The following PTPRM variants were observed in gnomAD, a reference collection of about 807,000 sequenced individuals.
The protein encoded by PTPRM is receptor-type tyrosine-protein phosphatase mu.
A neutral mutation model predicts 186.7 loss-of-function variants in PTPRM; 47 were observed. That is an observed-to-expected ratio of 0.25 (90% CI 0.20 to 0.32). The LOEUF (loss-of-function observed/expected upper bound fraction) is 0.32, where lower values mean the gene tolerates loss of function less well. Among genes scored for constraint, PTPRM ranks in the 10% least tolerant of loss-of-function variants. PTPRM has a pLI of 1.00. For synonymous variants in PTPRM, 668 were observed against 674.9 expected (o/e 0.99, Z 0.16); for missense variants, 1,494 against 1,865.0 (o/e 0.80, Z 3.66).
intron 11 of PTPRM, among the ~76,000 whole-genome samples, chr18:8,101,919 A>C (rs897183026): frequency 1.3e-5 from 2 of 152,142 alleles, no homozygotes; most frequent in Non-Finnish European, 2.9e-5. Context: ...TCCTTTATTT[A>C]TTGTCTTTTC....
chr18:8,141,494 G>A (rs1233724733), intron 13 of PTPRM, among the ~76,000 whole-genome samples: 1 of 152,162 alleles, frequency 6.6e-6, no homozygotes, highest in African/African-American at 2.4e-5. Context: ...GGGATGAAAG[G>A]CTGCAGGTAA....
chr18:8,165,684 C>G (rs2093312365), intron 14 of PTPRM, among the ~76,000 whole-genome samples: 1 of 152,176 alleles, frequency 6.6e-6, no homozygotes, highest in Admixed American at 6.5e-5. Context: ...TGGGTAGTGT[C>G]AGGCCAGTCG....
At chr18:8,118,220 A>C (rs1282489077) in intron 13 of PTPRM, among the ~76,000 whole-genome samples, 1 of 152,202 alleles carries the variant, frequency 6.6e-6, no homozygotes, top group East Asian at 1.9e-4. Context: ...ATTTTTTCAT[A>C]ATATGTTAGC....
At chr18:7,742,660 AG>A (rs1367980287) in intron 1 of PTPRM, among the ~76,000 whole-genome samples, 4 of 152,152 alleles carry the variant, frequency 2.6e-5, no homozygotes, top group Non-Finnish European at 5.9e-5. Context: ...ACAACATGGA[AG>A]AGACCCCAGT....
At chr18:7,882,752 A>G (rs756704837) in intron 2 of PTPRM, among the ~76,000 whole-genome samples, 9 of 152,212 alleles carry the variant, frequency 5.9e-5, no homozygotes, top group Non-Finnish European at 1.3e-4. Context: ...AAGTTTCTCA[A>G]ATACACTTGG....
At chr18:7,996,149 CT>C (rs2083520911) in intron 7 of PTPRM, among the ~76,000 whole-genome samples, 1 of 151,730 alleles carries the variant, frequency 6.6e-6, no homozygotes, top group African/African-American at 2.4e-5. Flanking sequence ...TATCCATTTA[CT>C]CTTTTTTTCC....
chr18:8,246,563 CA>C (rs2094478311), intron 15 of PTPRM, among the ~76,000 whole-genome samples: 1 of 152,038 alleles, frequency 6.6e-6, no homozygotes, highest in South Asian at 2.1e-4. Flanking sequence ...ACATCTTTAC[CA>C]ACCACATAAA....
At chr18:7,909,274 G>C (rs1358630138) in intron 4 of PTPRM, among the ~76,000 whole-genome samples, 1 of 152,202 alleles carries the variant, frequency 6.6e-6, no homozygotes, top group East Asian at 1.9e-4. Flanking sequence ...AGAGCTTTCT[G>C]TAGCCATAGA....
intron 1 of PTPRM, among the ~76,000 whole-genome samples, chr18:7,772,443 C>CT (rs1667389548): frequency 2.5e-5 from 2 of 78,518 alleles, no homozygotes; most frequent in African/African-American, 1.1e-4. Flanking sequence ...CCTTCCCCTT[C>CT]CCCTTCCTTC....
At chr18:8,072,981 T>C (rs2089581136) in intron 8 of PTPRM, among the ~76,000 whole-genome samples, 1 of 148,742 alleles carries the variant, frequency 6.7e-6, no homozygotes, top group Admixed American at 6.8e-5. Flanking sequence ...GGGTTTCCTG[T>C]CAACTATTCT....
chr18:7,842,930 GTATATA>G (rs1555616949), intron 2 of PTPRM, among the ~76,000 whole-genome samples: 1 of 100,942 alleles, frequency 9.9e-6, no homozygotes, highest in Non-Finnish European at 1.8e-5. Flanking sequence ...GTGTGTGTGT[GTATATA>G]TATATATATA....
At chr18:8,275,033 T>TA (rs1415246434) in intron 19 of PTPRM, among the ~76,000 whole-genome samples, 1 of 152,152 alleles carries the variant, frequency 6.6e-6, no homozygotes, top group Non-Finnish European at 1.5e-5. Context: ...AGAAAATGCA[T>TA]AAAAAATTAG....
intron 2 of PTPRM, among the ~76,000 whole-genome samples, chr18:7,876,609 A>G (rs2048256641): frequency 6.6e-6 from 1 of 152,166 alleles, no homozygotes; most frequent in East Asian, 1.9e-4. Flanking sequence ...GGAAGGCTGA[A>G]TCCTGCTCCA....
rs899896767 is a variant in PTPRM, at chr18:8,100,517, C to G, written c.1856+11666C>G. Among the ~76,000 whole-genome samples, 7 of 152,256 alleles carry G rather than the reference C, an allele frequency of 4.6e-5. No individual in the cohort carries two copies. The South Asian group carries it at 1.4e-3, about 32-fold the overall frequency. On this transcript the variant is annotated intron_variant, in intron 11 of 32. Coordinates refer to ENST00000580170, the MANE Select transcript of PTPRM (RefSeq NM_001105244.2). ...TATCACTTATCCCCAAGGAGATGGCCCAAGCCACTCATGAAGGATCTGCTC... is the reference window on the plus strand; with the variant it reads ...TATCACTTATCCCCAAGGAGATGGCGCAAGCCACTCATGAAGGATCTGCTC...
chr18:8,238,665 T>G (rs9963777), intron 14 of PTPRM, among the ~76,000 whole-genome samples: 2,220 of 136,850 alleles, frequency 0.016, 104 homozygotes, highest in African/African-American at 0.058. Context: ...TTTTTTTTTT[T>G]TTTTTTTTTT....
At chr18:8,039,295 T>A (rs1197124788) in intron 7 of PTPRM, among the ~76,000 whole-genome samples, 1 of 152,118 alleles carries the variant, frequency 6.6e-6, no homozygotes, top group Non-Finnish European at 1.5e-5. Flanking sequence ...ATATAATACT[T>A]GTTCAGATTT....
intron 7 of PTPRM, among the ~76,000 whole-genome samples, chr18:8,018,378 G>T (rs924912605): frequency 6.6e-6 from 1 of 152,198 alleles, no homozygotes; most frequent in African/African-American, 2.4e-5. Context: ...CGAAGAAGCA[G>T]CATGGTGAAC....
At chr18:7,848,876 A>C (rs1033511766) in intron 2 of PTPRM, among the ~76,000 whole-genome samples, 3 of 152,134 alleles carry the variant, frequency 2.0e-5, no homozygotes, top group African/African-American at 7.2e-5. Flanking sequence ...TTTCATTTAA[A>C]ATGTTGGTAA....
At chr18:8,207,730 G>A (rs2093950256) in intron 14 of PTPRM, among the ~76,000 whole-genome samples, 1 of 152,164 alleles carries the variant, frequency 6.6e-6, no homozygotes, top group African/African-American at 2.4e-5. Context: ...ATTATTTTTA[G>A]AGAAATTATA....
Sources: gnomAD v4.1 joint callset for allele counts (sites outside exome capture counted in the v4.1 genomes callset) on GRCh38, gnomAD v4.1.1 for gene constraint, MANE v1.5 for transcripts, NCBI Gene and HGNC (gene_info 2026-07-23, HGNC 2026-07-21) for gene names.